Variants in WNT8B observed in about 807,000 individuals in gnomAD.
WNT8B encodes the protein protein Wnt-8b.
In WNT8B, 24 loss-of-function variants were observed where a neutral mutation model predicts 36.6. The ratio of observed to expected loss-of-function variants is 0.66; its 90% confidence interval spans 0.48 to 0.92. The LOEUF is 0.92. WNT8B is among the 40% of genes least tolerant of loss of function. The pLI, the probability that WNT8B is intolerant of heterozygous loss-of-function variation, is 0.00. For synonymous variants in WNT8B, 199 were observed against 189.8 expected, an observed-to-expected ratio of 1.05 and a Z score of -0.40; for missense variants, 402 against 470.8, an observed-to-expected ratio of 0.85 and a Z score of 1.35.
At chr10:100,467,634 A>G (rs770182318) in intron 1 of WNT8B, among the ~76,000 whole-genome samples, 2 of 152,216 alleles carry the variant, frequency 1.3e-5, no homozygotes, top group African/African-American at 4.8e-5. Context: ...CTAAGTAGTG[A>G]ATCAATAGAT....
rs115320541 is a variant in WNT8B, at chr10:100,464,184, G to T, written c.68+948G>T. ...CTGAGATAAGCTTCCTTTGAGAATT[G>T]AAAATACATTTTTATCATAAATGAG... On this transcript the variant is annotated intron_variant, in intron 1 of 5. Transcript: ENST00000343737. Among the ~76,000 whole-genome samples the T allele has an allele frequency of 5.7e-3, 866 of 152,262 alleles. 10 individuals carry two copies. Among genetic ancestry groups the T allele is most frequent in the African/African-American group, 0.02 (845 of 41,552 alleles).
intron 1 of WNT8B, among the ~76,000 whole-genome samples, chr10:100,471,494 G>A (rs1457890027): frequency 6.6e-6 from 1 of 152,250 alleles, no homozygotes; most frequent in African/African-American, 2.4e-5. Flanking sequence ...GGATAAAAAA[G>A]TAGCAGAGAC....
chr10:100,463,787 T>G (rs1850883167), intron 1 of WNT8B, among the ~76,000 whole-genome samples: 1 of 152,212 alleles, frequency 6.6e-6, no homozygotes, highest in Non-Finnish European at 1.5e-5. Flanking sequence ...ATTTTAGAAA[T>G]CTAAACGTCT....
chr10:100,463,212 G>A lies in WNT8B; in HGVS notation c.44G>A (p.Cys15Tyr), dbSNP rs752220789. The A allele has an allele frequency of 2.5e-6, 4 of 1,613,834 alleles. No individual in the cohort carries two copies. The highest frequency in any genetic ancestry group is 3.4e-6 in the Non-Finnish European group (4 of 1,179,882). The change falls in exon 1 of 6, where the codon TGT (cysteine) becomes TAT (tyrosine). Residue 15 changes from cysteine (C) to tyrosine (Y), a missense_variant. Physicochemically the swap from Cys to Tyr is radical, Grantham distance 194. Transcript: ENST00000343737. ...KPSVYICLFT[C>Y]VLQLSHSWSV... Reference sequence around the variant, plus strand: ...TCTGTGTACATCTGTCTTTTCACCTGTGTCCTCCAACTCAGCCACAGCTGG... The same window carrying A: ...TCTGTGTACATCTGTCTTTTCACCTATGTCCTCCAACTCAGCCACAGCTGG...
intron 1 of WNT8B, among the ~76,000 whole-genome samples, chr10:100,473,137 C>T (rs1850997952): frequency 6.6e-6 from 1 of 152,070 alleles, no homozygotes; most frequent in Admixed American, 6.6e-5. Context: ...TAAGGCAGCC[C>T]ATACTTAAGT....
Position 100,483,073 on chromosome 10 carries a change from GGA to G in WNT8B, c.*258_*259del. 3 of 438,418 alleles carry G rather than the reference GGA, an allele frequency of 6.8e-6. No individual in the cohort carries two copies. The highest frequency in any genetic ancestry group is 8.0e-6 in the Non-Finnish European group (2 of 251,122). The allele number at this position is 438,418 out of a possible 1,614,324, so 27.2% of individuals were successfully genotyped here. A position where few individuals can be genotyped will look rare whatever the true frequency, so the allele number is the denominator to read the frequency against. On this transcript the variant is annotated 3_prime_UTR_variant, in exon 6 of 6. Transcript: ENST00000343737. ...AGGCTTTGAGTTACTGATCTTCCTTGGATTAGGAGAACAGGTGTTCCTCCTCC... is the reference window on the plus strand; with the variant it reads ...AGGCTTTGAGTTACTGATCTTCCTTGTTAGGAGAACAGGTGTTCCTCCTCC...
intron 1 of WNT8B, among the ~76,000 whole-genome samples, chr10:100,465,369 G>C (rs1850897736): frequency 6.6e-6 from 1 of 152,118 alleles, no homozygotes; most frequent in Non-Finnish European, 1.5e-5. Flanking sequence ...GAGAATGCAT[G>C]ATAAGCCAAG....
Position 100,482,752 on chromosome 10 carries a change from A to C in WNT8B, c.992A>C (p.Tyr331Ser). 6.2e-7 allele frequency: 1 copy of C among 1,600,616 alleles called. No individual in the cohort carries two copies. Among genetic ancestry groups the C allele is most frequent in the Non-Finnish European group, 8.5e-7 (1 of 1,173,480 alleles). The change falls in exon 6 of 6, where the codon TAC becomes TCC. Residue 331 changes from tyrosine to serine, a missense_variant. Around this residue, in one of 3 missense-constraint regions of WNT8B, gnomAD observed 256 missense variants for 278.6 expected, o/e 0.92. Coordinates refer to ENST00000343737, the MANE Select transcript of WNT8B (RefSeq NM_003393.4). The surrounding 1 kb of genome is among the most constrained non-coding windows in gnomAD (Gnocchi z 6.6). The stretch of plus-strand genomic sequence containing the variant: ...CAGTGCCGCCGGAGGGTCACCAAGT[A>C]CTTCTGTAGCCGCGCAGAGCGGCCG... The part of the protein sequence containing the change: ...CEQCRRRVTK[Y>S]FCSRAERPRG...
At chr10:100,481,842 T>C in intron 4 of WNT8B, 70 bp from the exon 5 acceptor site, 3 of 1,588,772 alleles carry the variant, frequency 1.9e-6, no homozygotes, top group Non-Finnish European at 2.6e-6. Flanking sequence ...CCAACCCAAT[T>C]AGAAACAGCA....
intron 1 of WNT8B, among the ~76,000 whole-genome samples, chr10:100,475,299 A>G (rs1851025511): frequency 6.6e-6 from 1 of 152,174 alleles, no homozygotes; most frequent in Non-Finnish European, 1.5e-5. Context: ...CAGTGAGCCG[A>G]CATCACACCA....
chr10:100,480,977 TG>T lies in WNT8B; in HGVS notation c.242-19del. 1 of 1,612,506 alleles carries T rather than the reference TG, an allele frequency of 6.2e-7. No homozygotes were observed. The highest frequency in any genetic ancestry group is 8.5e-7 in the Non-Finnish European group (1 of 1,178,858). On this transcript the variant is annotated intron_variant, in intron 3 of 5. Transcript: ENST00000343737. ...AAGCTGAAACCCCTCCCTCTAACTC[TG>T]GATTTTTGGTTCCTGCTAGCCAATC...
At chr10:100,479,845 T>C in intron 2 of WNT8B, 29 bp from the exon 3 acceptor site, 1 of 1,612,008 alleles carries the variant, frequency 6.2e-7, no homozygotes, top group Non-Finnish European at 8.5e-7. Context: ...CTAAGTTCAG[T>C]CTGAATTTTT....
At position 100,482,515 on chromosome 10, in the gene WNT8B, C is replaced by T. The variant is rs1851131205; in HGVS notation, c.755C>T (p.Ser252Phe). 1 of 1,600,594 alleles carries T rather than the reference C, an allele frequency of 6.2e-7. No homozygotes were observed. The highest frequency in any genetic ancestry group is 8.5e-7 in the Non-Finnish European group (1 of 1,179,570). Reference protein sequence around the residue: ...STRELVHLEDSPDYCLENKTL... With the variant: ...STRELVHLEDFPDYCLENKTL... Reference sequence around the variant, plus strand: ...CGGGAGCTGGTGCACCTGGAGGACTCCCCGGACTACTGCCTGGAGAACAAA... The same window carrying T: ...CGGGAGCTGGTGCACCTGGAGGACTTCCCGGACTACTGCCTGGAGAACAAA... The change falls in exon 6 of 6, where the codon TCC becomes TTC. Residue 252 changes from serine (S) to phenylalanine (F), a missense_variant. Physicochemically the swap from Ser to Phe is radical, Grantham distance 155 (BLOSUM62 -2). Coordinates refer to ENST00000343737, the MANE Select transcript of WNT8B (RefSeq NM_003393.4). The surrounding 1 kb of genome is among the most constrained non-coding windows in gnomAD (Gnocchi z 6.6).
intron 1 of WNT8B, among the ~76,000 whole-genome samples, chr10:100,475,567 G>A (rs1278376320): frequency 3.9e-5 from 6 of 152,148 alleles, no homozygotes; most frequent in African/African-American, 1.2e-4. Context: ...ATTACTCCCT[G>A]TAGTTCCGGC....
At chr10:100,466,758 T>C (rs1411050956) in intron 1 of WNT8B, among the ~76,000 whole-genome samples, 1 of 148,526 alleles carries the variant, frequency 6.7e-6, no homozygotes, top group Non-Finnish European at 1.5e-5. Flanking sequence ...AAGATATTCC[T>C]TTTTTTTTTC....
chr10:100,464,557 G>C (rs1472872716), intron 1 of WNT8B, among the ~76,000 whole-genome samples: 1 of 152,138 alleles, frequency 6.6e-6, no homozygotes, highest in Admixed American at 6.5e-5. Flanking sequence ...TACCTTTACT[G>C]TGTGTTCCCT....
At chr10:100,479,253 T>C (rs763829819) in intron 2 of WNT8B, among the ~76,000 whole-genome samples, 168 bp downstream of exon 2, 3 of 152,146 alleles carry the variant, frequency 2.0e-5, no homozygotes, top group Non-Finnish European at 4.4e-5. Flanking sequence ...TAAAACCACA[T>C]AGCAAACCAC....
In WNT8B at chr10:100,482,701, A is replaced by G; in HGVS notation, c.941A>G (p.His314Arg). Residue 314 changes from histidine (H) to arginine (R), a missense_variant, in exon 6 of 6, where the codon CAC (histidine) becomes CGC (arginine). By Grantham distance (29) the His-to-Arg change is conservative. Coordinates refer to ENST00000343737, the MANE Select transcript of WNT8B (RefSeq NM_003393.4). The surrounding 1 kb of genome is among the most constrained non-coding windows in gnomAD (Gnocchi z 6.6). ...ETVSSCNCKF[H>R]WCCAVRCEQC... ...GTGTCCAGCTGCAACTGCAAGTTCC[A>G]CTGGTGCTGCGCAGTCCGCTGCGAG... 1.9e-6 allele frequency: 3 copies of G among 1,610,566 alleles called. No individual in the cohort carries two copies. Among genetic ancestry groups the G allele is most frequent in the Non-Finnish European group, 2.5e-6 (3 of 1,179,268 alleles).
Position 100,479,963 on chromosome 10 carries a change from C to A in WNT8B, c.192C>A (p.Asn64Lys). The part of the protein sequence containing the change: ...CKYQFAWDRW[N>K]CPERALQLSS... ...ATCAGTTTGCCTGGGACCGCTGGAA[C>A]TGCCCTGAGAGAGCCCTGCAGCTGT... The change falls in exon 3 of 6, where the codon AAC becomes AAA. Residue 64 changes from asparagine to lysine, a missense_variant. Asn to Lys is a moderately conservative substitution (Grantham distance 94). Coordinates refer to ENST00000343737, the MANE Select transcript of WNT8B (RefSeq NM_003393.4). 2 of 1,613,968 alleles carry A rather than the reference C, an allele frequency of 1.2e-6. No homozygotes were observed. The highest frequency in any genetic ancestry group is 1.7e-6 in the Non-Finnish European group (2 of 1,179,920).
Sources: gnomAD v4.1 joint callset for allele counts (sites outside exome capture counted in the v4.1 genomes callset) on GRCh38, gnomAD v4.1.1 for gene constraint, gnomAD v4.1.1 regional missense constraint, Gnocchi (gnomAD v3.1) non-coding constraint, MANE v1.5 for transcripts, NCBI Gene and HGNC (gene_info 2026-07-23, HGNC 2026-07-21) for gene names.